L3MBTL4: variants seen among roughly 807,000 people sequenced by gnomAD.
L3MBTL4 encodes the protein lethal(3)malignant brain tumor-like protein 4.
Under a neutral mutation model 84.5 loss-of-function variants are expected in L3MBTL4, and 70 were observed. The observed-to-expected ratio is 0.83, with a 90% CI of 0.68 to 1.01. L3MBTL4 has a LOEUF of 1.01. L3MBTL4 is among the 50% of genes least tolerant of loss of function. The pLI is 0.00. For missense variants in L3MBTL4, 715 were observed against 754.8 expected, an observed-to-expected ratio of 0.95 and a Z score of 0.62; for synonymous variants, 274 against 259.8, an observed-to-expected ratio of 1.05 and a Z score of -0.52.
At chr18:6,355,683 C>A (rs1308107242) in intron 1 of L3MBTL4, among the ~76,000 whole-genome samples, 1 of 152,056 alleles carries the variant, frequency 6.6e-6, no homozygotes, top group Non-Finnish European at 1.5e-5. Flanking sequence ...AAGTTCATCT[C>A]AATGACTTAA....
At chr18:6,276,703 T>A (rs1416876452) in intron 4 of L3MBTL4, among the ~76,000 whole-genome samples, 1 of 138,530 alleles carries the variant, frequency 7.2e-6, no homozygotes, top group Non-Finnish European at 1.6e-5. Flanking sequence ...TTCTAGTGGG[T>A]GAAGACAGAC....
intron 14 of L3MBTL4, among the ~76,000 whole-genome samples, chr18:6,115,475 T>G (rs774739305): frequency 6.6e-6 from 1 of 152,198 alleles, no homozygotes; most frequent in Non-Finnish European, 1.5e-5. Context: ...GTTTCATAAC[T>G]GGACACATGA....
intron 1 of L3MBTL4, among the ~76,000 whole-genome samples, chr18:6,328,014 T>A (rs1345021759): frequency 6.6e-6 from 1 of 152,212 alleles, no homozygotes; most frequent in African/African-American, 2.4e-5. Context: ...TAACTGCATT[T>A]ATTAAGTAAG....
Position 6,241,520 on chromosome 18 carries a change from G to C in L3MBTL4, c.461-71C>G, listed in dbSNP as rs112060969. ...CATGCATATTAAATATATTAGGTTG[G>C]TGCAAAAGTAAGTGCGGTTTTGGCC... is the stretch of plus-strand genomic sequence containing the variant. On this transcript the variant is annotated intron_variant, in intron 7 of 18. Transcript: ENST00000317931. The C allele has an allele frequency of 1.2e-3, 1,070 of 858,266 alleles. 8 individuals are homozygous for C. The African/African-American group carries it at 0.016, about 13-fold the overall frequency. The allele number at this position is 858,266 out of a possible 1,614,324, so 53.2% of individuals were successfully genotyped here. A position where few individuals can be genotyped will look rare whatever the true frequency, so the allele number is the denominator to read the frequency against.
chr18:6,300,828 G>A (rs1275217541), intron 4 of L3MBTL4, among the ~76,000 whole-genome samples: 2 of 152,140 alleles, frequency 1.3e-5, no homozygotes, highest in African/African-American at 2.4e-5. Flanking sequence ...GCCAGGTACA[G>A]TCCAATTCAT....
intron 16 of L3MBTL4, among the ~76,000 whole-genome samples, chr18:6,020,958 G>C (rs1004412225): frequency 1.3e-5 from 2 of 152,102 alleles, no homozygotes; most frequent in Non-Finnish European, 2.9e-5. Flanking sequence ...AGAGAAGAGA[G>C]CTCCATGAAA....
intron 10 of L3MBTL4, among the ~76,000 whole-genome samples, chr18:6,225,395 T>C (rs1568342633): frequency 1.3e-5 from 2 of 152,168 alleles, no homozygotes; most frequent in African/African-American, 2.4e-5. Flanking sequence ...AGCACAAAAC[T>C]GGAGAAAGCT....
chr18:6,325,300 G>T lies in L3MBTL4; in HGVS notation c.-90-13244C>A, dbSNP rs2051656841. Among the ~76,000 whole-genome samples the T allele has an allele frequency of 3.3e-5, 5 of 152,250 alleles. No homozygotes were observed. The South Asian group carries it at 1.0e-3, about 32-fold the overall frequency. ...AAATCAACTGCGACTACATATGCAA[G>T]AATATAAATATTATCAATAATGTTG... On this transcript the variant is annotated intron_variant, in intron 1 of 18. Coordinates refer to ENST00000317931, the MANE Select transcript of L3MBTL4 (RefSeq NM_001330559.2).
At chr18:6,051,907 T>C (rs966928182) in intron 16 of L3MBTL4, among the ~76,000 whole-genome samples, 2 of 152,194 alleles carry the variant, frequency 1.3e-5, no homozygotes, top group Non-Finnish European at 2.9e-5. Context: ...AAGTGGCCAC[T>C]GTGGGGCTGG....
At chr18:6,074,128 T>C (rs776207512) in intron 16 of L3MBTL4, among the ~76,000 whole-genome samples, 1 of 152,228 alleles carries the variant, frequency 6.6e-6, no homozygotes, top group Non-Finnish European at 1.5e-5. Flanking sequence ...ATCTTCATGC[T>C]GTTCGTCATA....
At chr18:6,032,199 G>A (rs781075637) in intron 16 of L3MBTL4, 2 of 392,352 alleles carry the variant, frequency 5.1e-6, no homozygotes, top group South Asian at 1.4e-4. Flanking sequence ...GGATGGTCTT[G>A]ATCTCCTGAT....
At chr18:6,123,066 T>C (rs571304263) in intron 14 of L3MBTL4, among the ~76,000 whole-genome samples, 12 of 152,240 alleles carry the variant, frequency 7.9e-5, no homozygotes, top group South Asian at 6.2e-4. Context: ...GGAAGGGTCA[T>C]TAATCTTGAT....
intron 16 of L3MBTL4, among the ~76,000 whole-genome samples, chr18:6,079,541 T>C (rs1026885132): frequency 2.6e-5 from 4 of 152,256 alleles, no homozygotes; most frequent in African/African-American, 7.2e-5. Context: ...TTTCACAGTA[T>C]GCAAATGCAT....
At chr18:6,140,175 G>GT (rs1056417921) in intron 13 of L3MBTL4, among the ~76,000 whole-genome samples, 2 of 152,146 alleles carry the variant, frequency 1.3e-5, no homozygotes, top group Non-Finnish European at 2.9e-5. Flanking sequence ...TGCTGCTGAT[G>GT]TTTTCAACAT....
At chr18:6,133,125 C>G (rs2059924195) in intron 14 of L3MBTL4, among the ~76,000 whole-genome samples, 1 of 152,168 alleles carries the variant, frequency 6.6e-6, no homozygotes, top group African/African-American at 2.4e-5. Context: ...GCTCAAAATA[C>G]TACAATGAGA....
At chr18:6,134,711 A>G (rs997517629) in intron 14 of L3MBTL4, among the ~76,000 whole-genome samples, 2 of 152,148 alleles carry the variant, frequency 1.3e-5, no homozygotes, top group African/African-American at 4.8e-5. Flanking sequence ...GTGGGTTCCT[A>G]TGGTCTTGGG....
intron 16 of L3MBTL4, among the ~76,000 whole-genome samples, chr18:5,985,613 C>A (rs1022762522): frequency 6.6e-6 from 1 of 152,124 alleles, no homozygotes; most frequent in African/African-American, 2.4e-5. Context: ...CGTTATATTC[C>A]CGAAGGATGT....
intron 4 of L3MBTL4, among the ~76,000 whole-genome samples, chr18:6,274,940 G>T (rs558660551): frequency 4.2e-4 from 64 of 152,324 alleles, no homozygotes; most frequent in African/African-American, 1.5e-3. Context: ...TCTAGCTTAG[G>T]AGAGTGAATT....
intron 14 of L3MBTL4, among the ~76,000 whole-genome samples, chr18:6,107,281 G>A (rs983879929): frequency 1.3e-5 from 2 of 152,208 alleles, no homozygotes; most frequent in African/African-American, 4.8e-5. Context: ...GAGCCAATGG[G>A]CTGAGGGGTG....
Sources: allele counts gnomAD v4.1 joint callset (sites outside exome capture counted in the v4.1 genomes callset), GRCh38; gene constraint gnomAD v4.1.1; transcripts MANE v1.5; gene names NCBI Gene and HGNC (gene_info 2026-07-23, HGNC 2026-07-21).